The following TMEM132D variants were observed in gnomAD, a reference collection of about 807,000 sequenced individuals.
TMEM132D encodes mature OL transmembrane protein.
TMEM132D carries 21 observed loss-of-function variants against 62.3 expected under a neutral mutation model. That is an observed-to-expected ratio of 0.34 (90% CI 0.24 to 0.49). The LOEUF (loss-of-function observed/expected upper bound fraction) is 0.49. TMEM132D is among the 20% of genes least tolerant of loss of function. The pLI is 0.99. For missense variants in TMEM132D, 1,346 were observed against 1,402.8 expected, an observed-to-expected ratio of 0.96 and a Z score of 0.65; for synonymous variants, 621 against 575.6, an observed-to-expected ratio of 1.08 and a Z score of -1.13.
At chr12:129,562,402 C>T (rs1376169435) in intron 2 of TMEM132D, among the ~76,000 whole-genome samples, 1 of 152,172 alleles carries the variant, frequency 6.6e-6, no homozygotes, top group African/African-American at 2.4e-5. Context: ...TCCTTCACAT[C>T]AGGTTATTAA....
chr12:129,586,092 G>A (rs61943505), intron 2 of TMEM132D, among the ~76,000 whole-genome samples: 43,124 of 150,464 alleles, frequency 0.29, 7,715 homozygotes, highest in Non-Finnish European at 0.4. Context: ...TTGTACTGTG[G>A]CAGAGACACG....
At chr12:129,331,166 A>G (rs1220827887) in intron 4 of TMEM132D, among the ~76,000 whole-genome samples, 1 of 152,132 alleles carries the variant, frequency 6.6e-6, no homozygotes, top group Non-Finnish European at 1.5e-5. Context: ...TCCCCTTTCC[A>G]TCAGAATCAC....
chr12:129,169,818 C>T (rs1323583457), intron 5 of TMEM132D, among the ~76,000 whole-genome samples: 2 of 152,162 alleles, frequency 1.3e-5, no homozygotes, highest in Non-Finnish European at 2.9e-5. Context: ...TTTCAAAATG[C>T]CATGTGTCTA....
intron 3 of TMEM132D, among the ~76,000 whole-genome samples, chr12:129,428,443 T>G (rs1872559278): frequency 6.6e-6 from 1 of 152,242 alleles, no homozygotes; most frequent in Admixed American, 6.5e-5. Context: ...TTTTTCTATT[T>G]TGCAACTTTG....
intron 3 of TMEM132D, among the ~76,000 whole-genome samples, chr12:129,427,811 G>T (rs1325241871): frequency 6.6e-6 from 1 of 151,936 alleles, no homozygotes; most frequent in Non-Finnish European, 1.5e-5. Flanking sequence ...GTACCGCAAT[G>T]CAATAGATAT....
rs186198317 is a variant in TMEM132D, at chr12:129,872,838, A to G, written c.79+30423T>C. On this transcript the variant is annotated intron_variant, in intron 1 of 8. Coordinates refer to ENST00000422113, the MANE Select transcript of TMEM132D (RefSeq NM_133448.3). ...AACCCGTTAATAAAACATGTACCTC[A>G]TGCAAGATTCAAATATGTTAGAGCT... Among the ~76,000 whole-genome samples, 441 of 152,364 alleles carry G rather than the reference A, an allele frequency of 2.9e-3. 2 individuals are homozygous for G. Among genetic ancestry groups the G allele is most frequent in the Middle Eastern group, 0.027 (8 of 294 alleles).
intron 2 of TMEM132D, among the ~76,000 whole-genome samples, chr12:129,659,071 T>C (rs974474423): frequency 6.6e-6 from 1 of 151,992 alleles, no homozygotes; most frequent in African/African-American, 2.4e-5. Context: ...TGGCTAATTT[T>C]TTTTTTGTTG....
intron 4 of TMEM132D, among the ~76,000 whole-genome samples, chr12:129,249,004 A>C (rs916595661): frequency 2.6e-5 from 4 of 152,184 alleles, no homozygotes; most frequent in Non-Finnish European, 5.9e-5. Context: ...AAGACATGGA[A>C]TCAACCCAAG....
chr12:129,653,865 T>C (rs1232034791), intron 2 of TMEM132D, among the ~76,000 whole-genome samples: 3 of 152,216 alleles, frequency 2.0e-5, no homozygotes, highest in Non-Finnish European at 4.4e-5. Context: ...CTACAGTCCA[T>C]ACATTATTCA....
intron 3 of TMEM132D, among the ~76,000 whole-genome samples, chr12:129,397,291 GT>G (rs1302347981): frequency 1.3e-4 from 20 of 152,136 alleles, no homozygotes; most frequent in African/African-American, 4.8e-4. Context: ...AGTATTGCTT[GT>G]CTGGGAGACT....
At chr12:129,742,327 T>A (rs1406921491) in intron 1 of TMEM132D, among the ~76,000 whole-genome samples, 1 of 152,110 alleles carries the variant, frequency 6.6e-6, no homozygotes, top group Non-Finnish European at 1.5e-5. Context: ...AAGCTCTTCC[T>A]CATGGTGGAA....
chr12:129,754,137 G>C (rs762618933), intron 1 of TMEM132D, among the ~76,000 whole-genome samples: 41 of 152,158 alleles, frequency 2.7e-4, no homozygotes, highest in Non-Finnish European at 7.3e-5. Flanking sequence ...AAAAGAGCGG[G>C]AAAAGTAGGT....
chr12:129,826,465 G>A (rs537000704), intron 1 of TMEM132D, among the ~76,000 whole-genome samples: 2 of 152,310 alleles, frequency 1.3e-5, no homozygotes, highest in South Asian at 2.1e-4. Context: ...CGTGCCTGTC[G>A]TTCCTCATGT....
At chr12:129,120,891 T>G (rs7313136) in intron 5 of TMEM132D, among the ~76,000 whole-genome samples, 139,975 of 151,872 alleles carry the variant, frequency 0.92, 65,176 homozygotes, top group Middle Eastern at 1. Context: ...TGTTTCCCGG[T>G]AAAATGCTAA....
intron 3 of TMEM132D, among the ~76,000 whole-genome samples, chr12:129,436,656 T>C (rs1047148871): frequency 6.6e-6 from 1 of 152,194 alleles, no homozygotes; most frequent in Non-Finnish European, 1.5e-5. Flanking sequence ...TAGATGCCTT[T>C]GTATCCACAT....
chr12:129,094,478 T>C (rs182948432), intron 5 of TMEM132D, among the ~76,000 whole-genome samples: 1 of 152,214 alleles, frequency 6.6e-6, no homozygotes, highest in African/African-American at 2.4e-5. Context: ...AAAACCACAA[T>C]GCGATACCAT....
At chr12:129,333,340 G>T (rs1869172155) in intron 4 of TMEM132D, among the ~76,000 whole-genome samples, 1 of 152,192 alleles carries the variant, frequency 6.6e-6, no homozygotes, top group South Asian at 2.1e-4. Flanking sequence ...ATTTCTAAAA[G>T]TTGACCTGAA....
At chr12:129,543,599 G>T (rs1439400811) in intron 2 of TMEM132D, among the ~76,000 whole-genome samples, 1 of 152,160 alleles carries the variant, frequency 6.6e-6, no homozygotes, top group Non-Finnish European at 1.5e-5. Context: ...CATCTATAGT[G>T]TTGAATGTCT....
intron 1 of TMEM132D, among the ~76,000 whole-genome samples, chr12:129,706,379 T>C (rs566546872): frequency 6.3e-4 from 95 of 151,918 alleles, no homozygotes; most frequent in African/African-American, 2.2e-3. Flanking sequence ...AAATTCAAGA[T>C]AAAAATAAGT....
Sources: allele counts gnomAD v4.1 joint callset (sites outside exome capture counted in the v4.1 genomes callset), GRCh38; gene constraint gnomAD v4.1.1; transcripts MANE v1.5; gene names NCBI Gene and HGNC (gene_info 2026-07-23, HGNC 2026-07-21).